NKIRAS1: variants seen among roughly 807,000 people sequenced by gnomAD.
NKIRAS1 encodes NF-kappa-B inhibitor-interacting Ras-like protein 1.
Under a neutral mutation model 19.8 loss-of-function variants are expected in NKIRAS1, and 16 were observed. The ratio of observed to expected loss-of-function variants is 0.81; its 90% CI spans 0.55 to 1.23. NKIRAS1 has a LOEUF of 1.23. Among genes scored for constraint, NKIRAS1 ranks in the 50% most tolerant of loss-of-function variants. NKIRAS1 has a pLI of 0.00. For synonymous variants in NKIRAS1, 88 were observed against 79.0 expected (o/e 1.11, Z -0.61); for missense variants, 184 against 220.0 (o/e 0.84, Z 1.04).
At chr3:23,920,919 CAAA>C, upstream of NKIRAS1, 1 of 228,884 alleles carries the variant, frequency 4.4e-6, no homozygotes, top group Non-Finnish European at 7.2e-6. Flanking sequence ...CCCTAACCAG[CAAA>C]AAGGCATCAA....
intron 3 of NKIRAS1, among the ~76,000 whole-genome samples, chr3:23,902,431 A>G (rs1702610158): frequency 6.6e-6 from 1 of 152,236 alleles, no homozygotes; most frequent in Non-Finnish European, 1.5e-5. Context: ...AAATCTGATT[A>G]TGTATATACC....
chr3:23,929,790 A>C (rs973459816), intron 1 of NKIRAS1, among the ~76,000 whole-genome samples: 1 of 152,152 alleles, frequency 6.6e-6, no homozygotes, highest in Admixed American at 6.5e-5. Context: ...GACTTCTTTA[A>C]CATAATACTA....
At chr3:23,905,217 C>T (rs1702905523) in intron 3 of NKIRAS1, among the ~76,000 whole-genome samples, 1 of 152,078 alleles carries the variant, frequency 6.6e-6, no homozygotes, top group Non-Finnish European at 1.5e-5. Context: ...AAAAAATAAA[C>T]TAGACCATTT....
Position 23,892,573 on chromosome 3 carries a change from A to C in NKIRAS1, c.*522T>G, listed in dbSNP as rs1179987024. 6.6e-6 allele frequency: 1 copy of C among 152,254 alleles called. No individual in the cohort carries two copies. Among genetic ancestry groups the C allele is most frequent in the African/African-American group, 2.4e-5 (1 of 41,438 alleles). 9.4% of individuals were successfully genotyped at this position (152,254 alleles called of 1,614,324 possible). On this transcript the variant is annotated 3_prime_UTR_variant, in exon 5 of 5. Transcript: ENST00000425478. Reference sequence around the variant, plus strand: ...ATCATGGGTCTTAGTCTGTTTAGCAAAATCTCCACAAGATGAAATTTAGCT... The same window carrying C: ...ATCATGGGTCTTAGTCTGTTTAGCACAATCTCCACAAGATGAAATTTAGCT...
chr3:23,919,974 C>A, upstream of NKIRAS1: 5 of 987,918 alleles, frequency 5.1e-6, no homozygotes, highest in Non-Finnish European at 4.8e-6. Flanking sequence ...GCCTCAGCCT[C>A]CACAGTACCA....
At chr3:23,942,716 C>G (rs191707995) in intron 1 of NKIRAS1, among the ~76,000 whole-genome samples, 1 of 152,140 alleles carries the variant, frequency 6.6e-6, no homozygotes, top group Non-Finnish European at 1.5e-5. Context: ...CCACCGCTCC[C>G]GGCCTCAAAG....
At position 23,926,015 on chromosome 3, in the gene NKIRAS1, T is replaced by C. The variant is rs960360061; in HGVS notation, c.-139-14565A>G. Among the ~76,000 whole-genome samples the C allele has an allele frequency of 6.6e-6, 1 of 152,152 alleles. No individual in the cohort carries two copies. Among genetic ancestry groups the C allele is most frequent in the African/African-American group, 2.4e-5 (1 of 41,454 alleles). The stretch of plus-strand genomic sequence containing the variant: ...ATATTTTGACCATCACAGAAATTTC[T>C]GTTGTATAGTGCCAATTTATTTATT... On this transcript the variant is annotated intron_variant, in intron 1 of 4. Coordinates refer to the NKIRAS1 transcript ENST00000421515. The surrounding 1 kb of genome is among the most constrained non-coding windows in gnomAD (Gnocchi z 4.3).
chr3:23,902,890 T>C (rs1702659158), intron 3 of NKIRAS1, among the ~76,000 whole-genome samples: 1 of 152,216 alleles, frequency 6.6e-6, no homozygotes, highest in African/African-American at 2.4e-5. Flanking sequence ...ACATACTGAA[T>C]GTTGAAGTCC....
chr3:23,919,236 A>C (rs1704933013), upstream of NKIRAS1: 1 of 1,613,740 alleles, frequency 6.2e-7, no homozygotes, highest in Non-Finnish European at 8.5e-7. Flanking sequence ...AGAGTCCTGA[A>C]TTCTTACTGG....
chr3:23,945,776 C>T (rs1184759695), intron 1 of NKIRAS1, among the ~76,000 whole-genome samples: 3 of 150,482 alleles, frequency 2.0e-5, no homozygotes, highest in African/African-American at 4.9e-5. Context: ...GGCGCCCGCC[C>T]TCTTGTCTCC....
At chr3:23,910,580 T>G (rs891005623) in intron 3 of NKIRAS1, among the ~76,000 whole-genome samples, 1 of 152,228 alleles carries the variant, frequency 6.6e-6, no homozygotes, top group Non-Finnish European at 1.5e-5. Flanking sequence ...TTGATCTATC[T>G]ATATTGGCCA....
At chr3:23,918,828 T>C, upstream of NKIRAS1, 1 of 539,728 alleles carries the variant, frequency 1.9e-6, no homozygotes, top group South Asian at 2.6e-5. Context: ...AGACCAAATG[T>C]GGCCTGCACA....
intron 3 of NKIRAS1, among the ~76,000 whole-genome samples, chr3:23,908,850 T>C (rs909269837): frequency 4.0e-5 from 6 of 151,714 alleles, no homozygotes; most frequent in East Asian, 1.9e-4. Context: ...TTCTTTCTTT[T>C]TTTTTTTTTT....
At chr3:23,898,920 G>T (rs982849818) in intron 4 of NKIRAS1, among the ~76,000 whole-genome samples, 5 of 152,172 alleles carry the variant, frequency 3.3e-5, no homozygotes, top group African/African-American at 1.2e-4. Flanking sequence ...AGGAGCTGGA[G>T]AATCAAATTG....
intron 3 of NKIRAS1, among the ~76,000 whole-genome samples, chr3:23,902,069 G>A (rs536281221): frequency 3.6e-4 from 55 of 152,104 alleles, no homozygotes; most frequent in African/African-American, 1.1e-3. Context: ...GCAAGACTCC[G>A]TCTCAAAAAA....
chr3:23,930,663 C>A (rs1705298330), intron 1 of NKIRAS1, among the ~76,000 whole-genome samples: 1 of 151,800 alleles, frequency 6.6e-6, no homozygotes, highest in Non-Finnish European at 1.5e-5. Context: ...ATAAAATGCC[C>A]AAATTGTAAT....
intron 1 of NKIRAS1, chr3:23,945,652 G>T: frequency 8.9e-7 from 1 of 1,127,628 alleles, no homozygotes. Flanking sequence ...AGAGCCCGCG[G>T]GGCACTTTGG....
chr3:23,920,868 G>C, upstream of NKIRAS1: 1 of 801,008 alleles, frequency 1.2e-6, no homozygotes. Context: ...GTTATTTTTT[G>C]TCATCTTACA....
intron 3 of NKIRAS1, among the ~76,000 whole-genome samples, chr3:23,908,778 C>G (rs976778029): frequency 1.3e-5 from 2 of 152,064 alleles, no homozygotes; most frequent in African/African-American, 2.4e-5. Flanking sequence ...ATTCTCCCAC[C>G]CCAGCATCTC....
Sources: allele counts gnomAD v4.1 joint callset (sites outside exome capture counted in the v4.1 genomes callset), GRCh38; gene constraint gnomAD v4.1.1; non-coding constraint Gnocchi (gnomAD v3.1); transcripts MANE v1.5; gene names NCBI Gene and HGNC (gene_info 2026-07-23, HGNC 2026-07-21).